Variants in MBP observed in about 807,000 individuals in gnomAD.
The protein encoded by MBP is myelin basic protein.
A neutral mutation model predicts 35.8 loss-of-function variants in MBP; 16 were observed. That is an observed-to-expected ratio of 0.45 (90% CI 0.30 to 0.68). MBP has a LOEUF of 0.68. Among genes scored for constraint, MBP ranks in the 30% least tolerant of loss-of-function variants. The pLI is 0.08. For synonymous variants in MBP, 143 were observed against 159.6 expected (o/e 0.90, Z 0.78); for missense variants, 380 against 404.7 (o/e 0.94, Z 0.52).
intron 2 of MBP, among the ~76,000 whole-genome samples, chr18:77,082,584 T>A (rs1974995354): frequency 6.6e-6 from 1 of 152,046 alleles, no homozygotes; most frequent in Admixed American, 6.6e-5. Flanking sequence ...CATGGACATG[T>A]ACACACCAGT....
Position 76,988,953 on chromosome 18 carries a change from T to A in MBP, c.682-41A>T. On this transcript the variant is annotated intron_variant, in intron 5 of 8. Coordinates refer to ENST00000355994, the MANE Select transcript of MBP (RefSeq NM_001025101.2). The surrounding 1 kb of genome is among the most constrained non-coding windows in gnomAD (Gnocchi z 5.2). ...GAACCGTGGGCTGCACTGGGAGCCC[T>A]GTGCCGCCGTCCATTTCCTAACGGG... 6.3e-7 allele frequency: 1 copy of A among 1,591,216 alleles called. No individual in the cohort carries two copies. The highest frequency in any genetic ancestry group is 8.6e-7 in the Non-Finnish European group (1 of 1,159,044).
intron 1 of MBP, chr18:77,127,839 C>G (rs946664337): frequency 1.3e-5 from 2 of 151,716 alleles, no homozygotes; most frequent in Non-Finnish European, 2.9e-5. Flanking sequence ...TCACTACACA[C>G]TTATTAGAAG....
intron 2 of MBP, among the ~76,000 whole-genome samples, chr18:77,072,328 C>T (rs1430442432): frequency 6.6e-6 from 1 of 152,200 alleles, no homozygotes; most frequent in Non-Finnish European, 1.5e-5. Flanking sequence ...GCCATATTCC[C>T]TGCCGTAGAC....
At chr18:76,997,059 C>G (rs1359413083) in intron 4 of MBP, among the ~76,000 whole-genome samples, 1 of 152,190 alleles carries the variant, frequency 6.6e-6, no homozygotes, top group East Asian at 1.9e-4. Flanking sequence ...CCTCCCCCTC[C>G]AAATGTCTCT....
chr18:77,065,294 C>T (rs534853655), intron 3 of MBP, among the ~76,000 whole-genome samples: 5 of 152,234 alleles, frequency 3.3e-5, no homozygotes, highest in Admixed American at 1.3e-4. Flanking sequence ...TGGGTGGCAT[C>T]GCATGGTGAC....
At chr18:77,061,482 G>A (rs572641374) in intron 3 of MBP, among the ~76,000 whole-genome samples, 2 of 152,260 alleles carry the variant, frequency 1.3e-5, no homozygotes, top group South Asian at 4.2e-4. Context: ...CCCTACTTAC[G>A]TATGGGGAAA....
In MBP at chr18:77,001,052, C is replaced by T. The variant is rs532982651; in HGVS notation, c.577-10992G>A. On this transcript the variant is annotated intron_variant, in intron 4 of 8. Transcript: ENST00000355994. ...GAATTTAATTGCTTCCCTGAATCAA[C>T]GATCATAAGGTCAATACGTGAAGAC... Among the ~76,000 whole-genome samples the T allele has an allele frequency of 7.9e-4, 121 of 152,348 alleles. 1 individual carries two copies. The highest frequency in any genetic ancestry group is 1.4e-3 in the Non-Finnish European group (92 of 68,028).
chr18:77,049,902 A>G (rs1321380761), intron 3 of MBP, among the ~76,000 whole-genome samples: 4 of 151,374 alleles, frequency 2.6e-5, no homozygotes, highest in South Asian at 4.2e-4. Flanking sequence ...CTGGTCTTGA[A>G]CTCCTGACCT....
At chr18:76,998,039 C>T (rs1234251787) in intron 4 of MBP, among the ~76,000 whole-genome samples, 2 of 152,168 alleles carry the variant, frequency 1.3e-5, no homozygotes, top group Non-Finnish European at 2.9e-5. Flanking sequence ...TAAAACTTAC[C>T]ATTCTAACAA....
intron 4 of MBP, among the ~76,000 whole-genome samples, chr18:77,012,370 A>C (rs1737072108): frequency 6.6e-6 from 1 of 152,220 alleles, no homozygotes. Flanking sequence ...TGCCAGTGGG[A>C]TCTGCTCAGC....
chr18:77,050,972 A>G (rs1317438615), intron 3 of MBP, among the ~76,000 whole-genome samples: 1 of 151,422 alleles, frequency 6.6e-6, no homozygotes. Flanking sequence ...TAATTATAAT[A>G]TTTGCCTTTG....
intron 3 of MBP, among the ~76,000 whole-genome samples, chr18:77,022,707 A>T (rs1972041460): frequency 6.6e-6 from 1 of 152,242 alleles, no homozygotes; most frequent in Non-Finnish European, 1.5e-5. Context: ...ACACAAGAAC[A>T]TCTGAATACT....
chr18:77,045,481 C>G (rs904803559), intron 3 of MBP, among the ~76,000 whole-genome samples: 1 of 152,032 alleles, frequency 6.6e-6, no homozygotes, highest in Non-Finnish European at 1.5e-5. Flanking sequence ...CCTGCCTGCA[C>G]CAGGTCAGGG....
At chr18:76,997,375 G>A (rs1275546745) in intron 4 of MBP, among the ~76,000 whole-genome samples, 1 of 152,200 alleles carries the variant, frequency 6.6e-6, no homozygotes, top group Non-Finnish European at 1.5e-5. Context: ...GAGTCCCCTG[G>A]GGCCCTGGGG....
At chr18:77,015,155 A>T (rs1274542359) in intron 4 of MBP, 1 of 984,808 alleles carries the variant, frequency 1.0e-6, no homozygotes. Context: ...AATGATTGAT[A>T]TCAATGCTTT....
At chr18:77,095,777 G>T (rs1379027832) in intron 2 of MBP, among the ~76,000 whole-genome samples, 5 of 152,216 alleles carry the variant, frequency 3.3e-5, no homozygotes, top group Non-Finnish European at 7.3e-5. Flanking sequence ...CTGGGCAGGG[G>T]AATGTCTGGA....
intron 1 of MBP, among the ~76,000 whole-genome samples, chr18:77,121,063 A>T (rs9952768): frequency 0.021 from 3,162 of 152,252 alleles, 108 homozygotes; most frequent in African/African-American, 0.071. Flanking sequence ...ACTTTGGGAG[A>T]CCAAGTGGGA....
At chr18:77,009,936 GAC>G (rs1971247084) in intron 4 of MBP, 2 of 1,571,434 alleles carry the variant, frequency 1.3e-6, no homozygotes, top group Admixed American at 1.8e-5. Flanking sequence ...CCTGCCGGGG[GAC>G]ACAGAGTGGG....
At chr18:77,072,745 G>A (rs1974502069) in intron 2 of MBP, among the ~76,000 whole-genome samples, 1 of 152,228 alleles carries the variant, frequency 6.6e-6, no homozygotes, top group African/African-American at 2.4e-5. Flanking sequence ...ACAGTGGGAT[G>A]TAGTGCCGCC....
Sources: allele counts gnomAD v4.1 joint callset (sites outside exome capture counted in the v4.1 genomes callset), GRCh38; gene constraint gnomAD v4.1.1; non-coding constraint Gnocchi (gnomAD v3.1); transcripts MANE v1.5; gene names NCBI Gene and HGNC (gene_info 2026-07-23, HGNC 2026-07-21).